The following ANKRD13C variants were observed in gnomAD, a reference collection of about 807,000 sequenced individuals.
The protein encoded by ANKRD13C is ankyrin repeat domain 13C.
In ANKRD13C, 16 loss-of-function variants were observed where a neutral mutation model predicts 65.5. That is an observed-to-expected ratio of 0.24 (90% CI 0.17 to 0.37). The LOEUF is 0.37. ANKRD13C is among the 10% of genes least tolerant of loss of function. The probability of loss-of-function intolerance (pLI) is 1.00; values close to 1 mark genes in which losing one functional copy is unlikely to be tolerated. For missense variants in ANKRD13C, 503 were observed against 655.9 expected, an observed-to-expected ratio of 0.77 and a Z score of 2.55; for synonymous variants, 235 against 238.7, an observed-to-expected ratio of 0.98 and a Z score of 0.14.
At chr1:70,336,325 T>G (rs1682021330) in intron 1 of ANKRD13C, among the ~76,000 whole-genome samples, 1 of 152,142 alleles carries the variant, frequency 6.6e-6, no homozygotes, top group South Asian at 2.1e-4. Flanking sequence ...ATATCCATTT[T>G]GAGATTTATT....
rs1386013388 is a variant in ANKRD13C, at chr1:70,340,867, CT to C, written c.431-4769del. On this transcript the variant is annotated intron_variant, in intron 1 of 12. Transcript: ENST00000370944. ...GTGGCTCATGCCTGTAATCCCAGCA[CT>C]TTTGGAGGCCGAGGCAGATGGATCA... Among the ~76,000 whole-genome samples, 8 of 152,148 alleles carry C rather than the reference CT, an allele frequency of 5.3e-5. No homozygotes were observed. The South Asian group carries it at 1.7e-3, about 31-fold the overall frequency.
intron 9 of ANKRD13C, among the ~76,000 whole-genome samples, chr1:70,281,210 G>GT (rs1394886315): frequency 6.6e-6 from 1 of 151,998 alleles, no homozygotes; most frequent in East Asian, 1.9e-4. Context: ...CTGGTTGACA[G>GT]TTACCAGTGT....
At chr1:70,295,101 T>C (rs140500858) in intron 8 of ANKRD13C, among the ~76,000 whole-genome samples, 176 of 152,262 alleles carry the variant, frequency 1.2e-3, no homozygotes, top group African/African-American at 4.0e-3. Context: ...GAGAATATAT[T>C]CATTTCATTG....
chr1:70,293,505 T>C, intron 8 of ANKRD13C: 1 of 968,354 alleles, frequency 1.0e-6, no homozygotes, highest in Non-Finnish European at 1.2e-6. Flanking sequence ...CCTCCTTACC[T>C]GTCAAAGATT....
chr1:70,310,654 C>T (rs1572107711), intron 5 of ANKRD13C, among the ~76,000 whole-genome samples: 1 of 152,056 alleles, frequency 6.6e-6, no homozygotes, highest in Non-Finnish European at 1.5e-5. Flanking sequence ...ATTAAAATAT[C>T]ACTTTTAAAA....
At chr1:70,274,556 T>G (rs1052842918) in intron 11 of ANKRD13C, among the ~76,000 whole-genome samples, 164 bp downstream of exon 11, 1 of 151,954 alleles carries the variant, frequency 6.6e-6, no homozygotes, top group Admixed American at 6.6e-5. Flanking sequence ...TCAATACTTT[T>G]GCGAACCAGA....
At chr1:70,277,052 C>A (rs929263503) in intron 9 of ANKRD13C, among the ~76,000 whole-genome samples, 4 of 151,566 alleles carry the variant, frequency 2.6e-5, no homozygotes, top group African/African-American at 7.3e-5. Flanking sequence ...TTTTTTAAAT[C>A]CCAAAAAGAC....
rs562892554 is a variant in ANKRD13C, at chr1:70,260,145, T to C, written c.*2572A>G. On this transcript the variant is annotated 3_prime_UTR_variant, in exon 13 of 13. Coordinates refer to ENST00000370944, the MANE Select transcript of ANKRD13C (RefSeq NM_030816.5). ...ACAGTTTTTCATCTACTAACATGTA[T>C]CAGCAGACAGATGTGACAGTTTCCA... is the stretch of plus-strand genomic sequence containing the variant. Among the ~76,000 whole-genome samples, 1 of 152,298 alleles carries C rather than the reference T, an allele frequency of 6.6e-6. No individual in the cohort carries two copies. The highest frequency in any genetic ancestry group is 2.4e-5 in the African/African-American group (1 of 41,580).
intron 6 of ANKRD13C, among the ~76,000 whole-genome samples, chr1:70,303,857 T>C (rs1462158420): frequency 2.0e-5 from 3 of 152,206 alleles, no homozygotes; most frequent in East Asian, 1.9e-4. Flanking sequence ...TCCTAAAAGC[T>C]ATCCTCTCCA....
intron 9 of ANKRD13C, among the ~76,000 whole-genome samples, chr1:70,281,821 C>A (rs1304477030): frequency 6.6e-6 from 1 of 151,364 alleles, no homozygotes; most frequent in Non-Finnish European, 1.5e-5. Context: ...CCAAGGCGGG[C>A]AGATCACCTG....
At chr1:70,281,163 G>A (rs762864874) in intron 9 of ANKRD13C, among the ~76,000 whole-genome samples, 48 of 151,940 alleles carry the variant, frequency 3.2e-4, no homozygotes, top group Non-Finnish European at 1.2e-4. Context: ...CTATAGATGT[G>A]GTGATATGAC....
intron 9 of ANKRD13C, among the ~76,000 whole-genome samples, chr1:70,291,159 TAG>T (rs2101249896): frequency 6.6e-6 from 1 of 152,044 alleles, no homozygotes; most frequent in Admixed American, 6.6e-5. Context: ...GCCTTCCGAG[TAG>T]CTGGGATTAC....
chr1:70,319,810 C>T (rs1216976808), intron 3 of ANKRD13C, among the ~76,000 whole-genome samples: 1 of 152,036 alleles, frequency 6.6e-6, no homozygotes, highest in East Asian at 1.9e-4. Flanking sequence ...CATCTGTTTC[C>T]CCCAGGACTT....
rs372843478 is a variant in ANKRD13C at position 70,338,272 on chromosome 1, CA to C, written c.431-2174del. Among the ~76,000 whole-genome samples the C allele has an allele frequency of 2.1e-3, 312 of 152,170 alleles. 3 individuals carry two copies. The highest frequency in any genetic ancestry group is 0.02 in the East Asian group (106 of 5,178). ...ATGTCGGCAATTTTTCAATTTTATC[CA>C]AAGGACGAATAAAGTTAGAGACACT... is the stretch of plus-strand genomic sequence containing the variant. On this transcript the variant is annotated intron_variant, in intron 1 of 12. Transcript: ENST00000370944.
At chr1:70,306,464 T>C (rs1230146833) in intron 5 of ANKRD13C, among the ~76,000 whole-genome samples, 174 bp from the exon 6 acceptor site, 2 of 152,156 alleles carry the variant, frequency 1.3e-5, no homozygotes, top group Non-Finnish European at 2.9e-5. Flanking sequence ...TTTGAGCAAC[T>C]TCAAATATCT....
chr1:70,308,612 G>A (rs1464435292), intron 5 of ANKRD13C, among the ~76,000 whole-genome samples: 2 of 151,600 alleles, frequency 1.3e-5, no homozygotes, highest in East Asian at 1.9e-4. Context: ...GGTGGCGGGC[G>A]CCTGTAGTCC....
At chr1:70,292,320 C>T (rs1008191540) in intron 9 of ANKRD13C, 68 bp downstream of exon 9, 5 of 1,232,798 alleles carry the variant, frequency 4.1e-6, no homozygotes, top group Non-Finnish European at 5.5e-6. Context: ...TTACTGAATG[C>T]CACCAAGAAT....
Position 70,354,300 on chromosome 1 carries a change from T to C in ANKRD13C, c.109A>G (p.Thr37Ala). The C allele has an allele frequency of 1.2e-6, 2 of 1,613,998 alleles. No homozygotes were observed. The highest frequency in any genetic ancestry group is 8.5e-7 in the Non-Finnish European group (1 of 1,180,034). The change falls in exon 1 of 13, where the codon ACC becomes GCC. Residue 37 changes from threonine to alanine, a missense_variant. Thr to Ala is a moderately conservative substitution (Grantham distance 58). This residue lies in a region of ANKRD13C where 203 missense variants were observed against 177.6 expected (regional missense o/e 1.14). Transcript: ENST00000370944. ...TTGCCAATCCTGCTTCTGGTAAAGG[T>C]ACCGCCGAGGGCAGCCGCCGCTTCC... ...DEEAAAALGG[T>A]FTRSRIGKGG... is the part of the protein sequence containing the mutation.
chr1:70,293,909 A>G (rs1008342736), intron 8 of ANKRD13C, among the ~76,000 whole-genome samples: 6 of 152,250 alleles, frequency 3.9e-5, no homozygotes, highest in African/African-American at 1.4e-4. Context: ...CTTGCTACTT[A>G]TAACAGGCAA....
Sources: allele counts gnomAD v4.1 joint callset (sites outside exome capture counted in the v4.1 genomes callset), GRCh38; gene constraint gnomAD v4.1.1; regional missense constraint gnomAD v4.1.1; transcripts MANE v1.5; gene names NCBI Gene and HGNC (gene_info 2026-07-23, HGNC 2026-07-21).